Variants in GOT1 observed in about 807,000 individuals in gnomAD.
GOT1 encodes the protein glutamic-oxaloacetic transaminase 1.
In GOT1, 25 loss-of-function variants were observed where a neutral mutation model predicts 48.2. The ratio of observed to expected loss-of-function variants is 0.52; its 90% CI spans 0.38 to 0.72. GOT1 has a LOEUF of 0.72. Ranked by LOEUF, GOT1 falls within the 30% of genes least tolerant of loss-of-function variation. The pLI is 0.00. For missense variants in GOT1, 380 were observed against 520.1 expected (o/e 0.73, Z 2.62); for synonymous variants, 188 against 193.8 (o/e 0.97, Z 0.25).
At chr10:99,411,170 C>T (rs995441026) in intron 2 of GOT1, among the ~76,000 whole-genome samples, 5 of 152,188 alleles carry the variant, frequency 3.3e-5, no homozygotes, top group African/African-American at 1.2e-4. Flanking sequence ...CAGCAGAAGC[C>T]CCAAGTCGCC....
chr10:99,415,699 T>C (rs919425710), intron 2 of GOT1, among the ~76,000 whole-genome samples: 6 of 152,184 alleles, frequency 3.9e-5, no homozygotes, highest in Non-Finnish European at 7.3e-5. Context: ...CTCAATAAAA[T>C]GCTGGCAAAC....
At chr10:99,412,974 A>C (rs552096298) in intron 2 of GOT1, among the ~76,000 whole-genome samples, 1 of 152,294 alleles carries the variant, frequency 6.6e-6, no homozygotes, top group African/African-American at 2.4e-5. Flanking sequence ...GGTAGATAAA[A>C]CCACAAAGAT....
At chr10:99,401,061 C>T (rs2032668689) in intron 8 of GOT1, among the ~76,000 whole-genome samples, 1 of 152,212 alleles carries the variant, frequency 6.6e-6, no homozygotes, top group East Asian at 1.9e-4. Context: ...ATCATTTTTC[C>T]AATTCGTGAT....
intron 8 of GOT1, among the ~76,000 whole-genome samples, chr10:99,398,211 T>C (rs1460058860): frequency 3.9e-5 from 6 of 152,224 alleles, no homozygotes; most frequent in African/African-American, 1.4e-4. Flanking sequence ...CTCTCTGACC[T>C]GGCACCATCA....
intron 1 of GOT1, among the ~76,000 whole-genome samples, chr10:99,428,128 C>T (rs1406675132): frequency 6.6e-6 from 1 of 152,142 alleles, no homozygotes; most frequent in African/African-American, 2.4e-5. Flanking sequence ...TAAATTAGTT[C>T]ATTTTGCAGT....
chr10:99,403,227 G>T (rs143219290), intron 7 of GOT1, among the ~76,000 whole-genome samples: 2 of 151,990 alleles, frequency 1.3e-5, no homozygotes, highest in African/African-American at 4.8e-5. Flanking sequence ...AGACTGGGTG[G>T]GGGGGGAAAT....
rs1443630193 is a variant in GOT1, at chr10:99,397,703, G to A, written c.1103-17C>T. On this transcript the variant is annotated splice_polypyrimidine_tract_variant and intron_variant, in intron 8 of 8. Transcript: ENST00000370508. The surrounding 1 kb of genome is among the most constrained non-coding windows in gnomAD (Gnocchi z 5.4). The stretch of plus-strand genomic sequence containing the variant: ...CCTGCTTGGCTGTTGAAAACCAAAA[G>A]AAGACATAATCAGAGCAGAGGGGAT... 6.2e-7 allele frequency: 1 copy of A among 1,613,424 alleles called. No homozygotes were observed. The highest frequency in any genetic ancestry group is 8.5e-7 in the Non-Finnish European group (1 of 1,179,350).
intron 1 of GOT1, among the ~76,000 whole-genome samples, chr10:99,421,562 C>CT (rs1483054869): frequency 6.6e-6 from 1 of 152,198 alleles, no homozygotes; most frequent in East Asian, 1.9e-4. Flanking sequence ...CAGTAAACCT[C>CT]TAAGCATTTC....
chr10:99,430,573 G>C lies in GOT1; in HGVS notation c.-8C>G, dbSNP rs2033106873. 1 of 1,585,064 alleles carries C rather than the reference G, an allele frequency of 6.3e-7. No homozygotes were observed. Among genetic ancestry groups the C allele is most frequent in the South Asian group, 1.1e-5 (1 of 87,578 alleles). On this transcript the variant is annotated 5_prime_UTR_variant, in exon 1 of 9. Transcript: ENST00000370508. ...GACTGACGGAGGTGCCATATCGAGA[G>C]ACTAGGAATCAAGAGATTTCACCCC...
chr10:99,420,486 C>T lies in GOT1; in HGVS notation c.300+138G>A. 6.1e-6 allele frequency: 4 copies of T among 660,846 alleles called. No individual in the cohort carries two copies. The South Asian group carries it at 8.1e-5, about 13-fold the overall frequency. The allele number at this position is 660,846 out of a possible 1,614,324, so 40.9% of individuals were successfully genotyped here. On this transcript the variant is annotated intron_variant, in intron 2 of 8. Transcript: ENST00000370508. The stretch of plus-strand genomic sequence containing the variant: ...GCCACATTATTTGCGCTATCAGGTT[C>T]CTGAACTCGCGCTACAGAAACACTT...
At chr10:99,405,647 T>G in intron 5 of GOT1, 109 bp downstream of exon 5, 3 of 651,320 alleles carry the variant, frequency 4.6e-6, no homozygotes, top group Non-Finnish European at 8.4e-6. Flanking sequence ...TCTTTGGACT[T>G]TTCTCCATTT....
chr10:99,407,495 T>C (rs1486435497), intron 2 of GOT1, among the ~76,000 whole-genome samples: 2 of 151,592 alleles, frequency 1.3e-5, no homozygotes, highest in African/African-American at 4.9e-5. Flanking sequence ...TGCAGTGGCA[T>C]GGTCTCAGCT....
intron 2 of GOT1, among the ~76,000 whole-genome samples, chr10:99,414,548 C>T (rs1414107431): frequency 6.6e-6 from 1 of 152,110 alleles, no homozygotes; most frequent in Non-Finnish European, 1.5e-5. Context: ...AGAAAGTTAA[C>T]AAGGATATCC....
At position 99,397,249 on chromosome 10, in the gene GOT1, A is replaced by G. The variant is rs985939793; in HGVS notation, c.*298T>C. ...TAGAAGCACGTGGCCGCCACACACA[A>G]CACTCCTTTTTAGTGAGAGGGACAA... is the stretch of plus-strand genomic sequence containing the variant. On this transcript the variant is annotated 3_prime_UTR_variant, in exon 9 of 9. Transcript: ENST00000370508. This position sits in a 1 kb window ranked among gnomAD's most constrained non-coding sequence, Gnocchi z 5.4. The G allele has an allele frequency of 3.1e-6, 1 of 319,220 alleles. No homozygotes were observed. The highest frequency in any genetic ancestry group is 2.1e-5 in the African/African-American group (1 of 48,172). 19.8% of individuals were successfully genotyped at this position (319,220 alleles called of 1,614,324 possible).
In GOT1 at chr10:99,407,182, AGTGT is replaced by A. The variant is rs3045656; in HGVS notation, c.301-337_301-334del. On this transcript the variant is annotated intron_variant, in intron 2 of 8. Coordinates refer to ENST00000370508, the MANE Select transcript of GOT1 (RefSeq NM_002079.3). ...GTAGAGGACACACCGAGGCCACATT[AGTGT>A]GTGTGTGTGTGTGTGTGTGCATGCA... Among the ~76,000 whole-genome samples, 521 of 149,292 alleles carry A rather than the reference AGTGT, an allele frequency of 3.5e-3. 3 individuals are homozygous for A. Among genetic ancestry groups the A allele is most frequent in the Middle Eastern group, 0.034 (10 of 294 alleles).
intron 2 of GOT1, among the ~76,000 whole-genome samples, chr10:99,418,268 G>T (rs899982787): frequency 6.6e-6 from 1 of 151,770 alleles, no homozygotes; most frequent in African/African-American, 2.4e-5. Context: ...CCAGGGTCAA[G>T]GCTACAAAAA....
At chr10:99,410,179 T>G (rs1252570816) in intron 2 of GOT1, among the ~76,000 whole-genome samples, 2 of 152,236 alleles carry the variant, frequency 1.3e-5, no homozygotes, top group African/African-American at 4.8e-5. Context: ...TTACCTGAAT[T>G]CTTTATGCAA....
At chr10:99,408,843 CG>C (rs1391985064) in intron 2 of GOT1, among the ~76,000 whole-genome samples, 1 of 152,050 alleles carries the variant, frequency 6.6e-6, no homozygotes, top group Non-Finnish European at 1.5e-5. Context: ...ATCTATAAGT[CG>C]TTTTTTTAAA....
chr10:99,420,421 G>A (rs2032950655), intron 2 of GOT1: 1 of 524,546 alleles, frequency 1.9e-6, no homozygotes, highest in Non-Finnish European at 3.4e-6. Flanking sequence ...TGATCTACTG[G>A]GCAAAACTGA....
Sources: gnomAD v4.1 joint callset for allele counts (sites outside exome capture counted in the v4.1 genomes callset) on GRCh38, gnomAD v4.1.1 for gene constraint, Gnocchi (gnomAD v3.1) non-coding constraint, MANE v1.5 for transcripts, NCBI Gene and HGNC (gene_info 2026-07-23, HGNC 2026-07-21) for gene names.